The following DENND1A variants were observed in gnomAD, a reference collection of about 807,000 sequenced individuals.
The protein encoded by DENND1A is DENN domain-containing protein 1A.
DENND1A carries 51 observed loss-of-function variants against 113.7 expected under a neutral mutation model. The observed-to-expected ratio is 0.45, with a 90% CI of 0.36 to 0.57. The LOEUF (loss-of-function observed/expected upper bound fraction) is 0.57, where lower values mean the gene tolerates loss of function less well. DENND1A is among the 20% of genes least tolerant of loss of function. The pLI is 0.00. For synonymous variants in DENND1A, 565 were observed against 570.8 expected (o/e 0.99, Z 0.14); for missense variants, 1,258 against 1,395.9 (o/e 0.90, Z 1.57).
intron 18 of DENND1A, among the ~76,000 whole-genome samples, chr9:123,448,221 GGA>G (rs2047449471): frequency 6.6e-6 from 1 of 152,168 alleles, no homozygotes; most frequent in South Asian, 2.1e-4. Flanking sequence ...GAACAGAAAG[GGA>G]GAGAGAGTGG....
intron 5 of DENND1A, among the ~76,000 whole-genome samples, chr9:123,686,634 A>C (rs1160442318): frequency 6.6e-6 from 1 of 152,198 alleles, no homozygotes; most frequent in African/African-American, 2.4e-5. Context: ...TAAATAGCTC[A>C]ATTTAAAATG....
At chr9:123,909,952 A>G (rs1853661606) in intron 1 of DENND1A, among the ~76,000 whole-genome samples, 1 of 152,188 alleles carries the variant, frequency 6.6e-6, no homozygotes, top group Admixed American at 6.5e-5. Flanking sequence ...AAAAAAATCA[A>G]AGAACTACAA....
At chr9:123,383,067 G>A (rs908459664) in intron 23 of DENND1A, among the ~76,000 whole-genome samples, 4 of 152,240 alleles carry the variant, frequency 2.6e-5, no homozygotes, top group South Asian at 2.1e-4. Context: ...CACACGGCCC[G>A]GGTGCCAGTC....
chr9:123,658,410 T>G (rs2063073121), intron 8 of DENND1A, among the ~76,000 whole-genome samples: 1 of 152,212 alleles, frequency 6.6e-6, no homozygotes, highest in African/African-American at 2.4e-5. Flanking sequence ...TTATAAAGAT[T>G]TATGCTCATT....
At chr9:123,863,887 A>G (rs1845433841) in intron 2 of DENND1A, among the ~76,000 whole-genome samples, 1 of 152,184 alleles carries the variant, frequency 6.6e-6, no homozygotes, top group South Asian at 2.1e-4. Context: ...CTTTAGGTTC[A>G]TAGTCTGGAA....
intron 3 of DENND1A, among the ~76,000 whole-genome samples, chr9:123,786,739 G>C (rs1436433567): frequency 6.6e-6 from 1 of 152,150 alleles, no homozygotes; most frequent in African/African-American, 2.4e-5. Flanking sequence ...TTTAAAATGT[G>C]ATCCATTTGA....
rs560839406 is a variant in DENND1A at position 123,429,956 on chromosome 9, G to A, written c.1488+10404C>T. Among the ~76,000 whole-genome samples, 87 of 152,160 alleles carry A rather than the reference G, an allele frequency of 5.7e-4. No homozygotes were observed. In the East Asian group the frequency reaches 0.016, roughly 28 times the overall value. On this transcript the variant is annotated intron_variant, in intron 19 of 23. Transcript: ENST00000394215. ...TTTTTGCAATCGATCCATTGACAAA[G>A]GCCTAATATCCAGAGTCTACAAGGG...
intron 9 of DENND1A, among the ~76,000 whole-genome samples, chr9:123,633,502 C>T (rs10818851): frequency 6.6e-5 from 10 of 152,016 alleles, no homozygotes; most frequent in Admixed American, 3.9e-4. Context: ...AGTTTGGGTG[C>T]GGTGGCTCAC....
At chr9:123,521,974 C>T (rs557889546) in intron 13 of DENND1A, among the ~76,000 whole-genome samples, 69 of 152,324 alleles carry the variant, frequency 4.5e-4, no homozygotes, top group African/African-American at 1.5e-3. Flanking sequence ...GGCTCCCTTC[C>T]ATTTCTTCTA....
rs550170761 is a variant in DENND1A, at chr9:123,833,737, T to C, written c.89-41107A>G. Among the ~76,000 whole-genome samples, 163 of 150,242 alleles carry C rather than the reference T, an allele frequency of 1.1e-3. No homozygotes were observed. The Middle Eastern group carries it at 0.014, about 13-fold the overall frequency. On this transcript the variant is annotated intron_variant, in intron 2 of 23. Coordinates refer to ENST00000394215, the MANE Select transcript of DENND1A (RefSeq NM_001352964.2). ...CCTTTCAGACTTTAGAAAGATCTTTTGTATTGATAACTCACATCAATGGGT... is the reference window on the plus strand; with the variant it reads ...CCTTTCAGACTTTAGAAAGATCTTTCGTATTGATAACTCACATCAATGGGT...
intron 10 of DENND1A, among the ~76,000 whole-genome samples, chr9:123,617,892 A>G (rs1378392066): frequency 3.9e-5 from 6 of 152,176 alleles, no homozygotes; most frequent in African/African-American, 1.4e-4. Context: ...AAAGAGAAAG[A>G]GGCTTATGGA....
intron 9 of DENND1A, among the ~76,000 whole-genome samples, chr9:123,631,464 T>C (rs557735884): frequency 6.6e-6 from 1 of 152,358 alleles, no homozygotes; most frequent in East Asian, 1.9e-4. Context: ...GCCTTTGTAA[T>C]GTTTTGAAAA....
At chr9:123,560,340 T>C (rs1294714254) in intron 12 of DENND1A, among the ~76,000 whole-genome samples, 1 of 152,180 alleles carries the variant, frequency 6.6e-6, no homozygotes, top group Non-Finnish European at 1.5e-5. Flanking sequence ...AATCCTTTGC[T>C]GTTGATAAAG....
intron 2 of DENND1A, among the ~76,000 whole-genome samples, chr9:123,831,444 C>T (rs1299206376): frequency 1.3e-5 from 2 of 152,108 alleles, no homozygotes; most frequent in African/African-American, 4.8e-5. Context: ...AATTAACAAA[C>T]CAATTCAAAA....
chr9:123,385,065 T>A (rs2042486372), intron 22 of DENND1A, among the ~76,000 whole-genome samples: 1 of 152,248 alleles, frequency 6.6e-6, no homozygotes, highest in South Asian at 2.1e-4. Flanking sequence ...TCCCTTCCCA[T>A]GGACCTGAGT....
At chr9:123,702,870 AAAGT>A (rs142587421) in intron 5 of DENND1A, among the ~76,000 whole-genome samples, 7,755 of 152,312 alleles carry the variant, frequency 0.051, 309 homozygotes, top group African/African-American at 0.11. Context: ...TCTGAAAGTA[AAAGT>A]AAGTATACAG....
chr9:123,636,130 G>A (rs1305452281), intron 9 of DENND1A, among the ~76,000 whole-genome samples: 1 of 152,122 alleles, frequency 6.6e-6, no homozygotes, highest in African/African-American at 2.4e-5. Flanking sequence ...GGGCCCAGCT[G>A]GAATTCATGA....
intron 23 of DENND1A, among the ~76,000 whole-genome samples, chr9:123,383,329 C>T (rs565653848): frequency 2.5e-4 from 38 of 152,342 alleles, no homozygotes; most frequent in African/African-American, 7.7e-4. Context: ...CAGGGATGGA[C>T]GCAATCCCGG....
At chr9:123,802,561 T>C (rs1235070136) in intron 2 of DENND1A, among the ~76,000 whole-genome samples, 1 of 450 alleles carries the variant, frequency 2.2e-3, no homozygotes, top group African/African-American at 6.8e-3. Context: ...CTACCAATAA[T>C]TGAAATCCCC....
Sources: allele counts gnomAD v4.1 joint callset (sites outside exome capture counted in the v4.1 genomes callset), GRCh38; gene constraint gnomAD v4.1.1; transcripts MANE v1.5; gene names NCBI Gene and HGNC (gene_info 2026-07-23, HGNC 2026-07-21).